The following ADAMTSL1 variants were observed in gnomAD, a reference collection of about 807,000 sequenced individuals.
The protein encoded by ADAMTSL1 is ADAMTS like 1, also known as ADAMTS-like protein 1.
ADAMTSL1 carries 126 observed loss-of-function variants against 201.8 expected under a neutral mutation model. That is an observed-to-expected ratio of 0.62 (90% CI 0.54 to 0.72). The LOEUF (loss-of-function observed/expected upper bound fraction) is 0.72. ADAMTSL1 is among the 30% of genes least tolerant of loss of function. ADAMTSL1 has a pLI of 0.00. For missense variants in ADAMTSL1, 2,679 were observed against 2,277.8 expected (o/e 1.18, Z -3.59); for synonymous variants, 1,121 against 903.4 (o/e 1.24, Z -4.32).
At chr9:18,476,587 T>C (rs902563071) in intron 1 of ADAMTSL1, among the ~76,000 whole-genome samples, 3 of 152,220 alleles carry the variant, frequency 2.0e-5, no homozygotes, top group Admixed American at 1.3e-4. Flanking sequence ...GTGTACTTGA[T>C]TTAGAACTAG....
intron 1 of ADAMTSL1, among the ~76,000 whole-genome samples, chr9:17,999,343 G>C (rs1322041091): frequency 6.6e-6 from 1 of 151,978 alleles, no homozygotes; most frequent in Admixed American, 6.6e-5. Flanking sequence ...GCTGATCTCT[G>C]TAGGATCTAG....
rs1830468730 is a variant in ADAMTSL1 at position 18,909,029 on chromosome 9, C to CAGTT, written c.*484_*487dup. ...TTCCCCATCTATGTCCCTTTAGTCA[C>CAGTT]AGTTAGGACAAATGGGGAGGGGACA... On this transcript the variant is annotated 3_prime_UTR_variant, in exon 29 of 29. Transcript: ENST00000380548. The CAGTT allele has an allele frequency of 6.3e-6, 1 of 158,740 alleles. No individual in the cohort carries two copies. Among genetic ancestry groups the CAGTT allele is most frequent in the South Asian group, 1.8e-4 (1 of 5,492 alleles). 9.8% of individuals were successfully genotyped at this position (158,740 alleles called of 1,614,324 possible).
intron 7 of ADAMTSL1, among the ~76,000 whole-genome samples, chr9:18,645,915 A>G (rs910980311): frequency 1.1e-4 from 16 of 147,502 alleles, no homozygotes; most frequent in Non-Finnish European, 1.6e-4. Flanking sequence ...GTTTTTTCCA[A>G]TTCTGTGAAG....
chr9:18,167,043 G>C (rs1327923231), intron 2 of ADAMTSL1, among the ~76,000 whole-genome samples: 1 of 151,958 alleles, frequency 6.6e-6, no homozygotes, highest in Non-Finnish European at 1.5e-5. Context: ...AGAAGCCACA[G>C]CAGTCAACTA....
intron 25 of ADAMTSL1, chr9:18,890,439 C>T (rs1829173122): frequency 4.4e-6 from 2 of 450,226 alleles, no homozygotes; most frequent in African/African-American, 2.0e-5. Flanking sequence ...TTGGAGTTGG[C>T]ACTGGTGCAG....
At chr9:18,886,162 A>G (rs999953740) in intron 23 of ADAMTSL1, among the ~76,000 whole-genome samples, 10 of 58,752 alleles carry the variant, frequency 1.7e-4, no homozygotes, top group South Asian at 1.3e-3. Flanking sequence ...GTGAGTGTGT[A>G]TGTGTATATA....
intron 1 of ADAMTSL1, among the ~76,000 whole-genome samples, chr9:18,120,071 G>A (rs1304255704): frequency 6.6e-6 from 1 of 152,138 alleles, no homozygotes. Flanking sequence ...CACGGAACTG[G>A]GAGCAGCTTA....
At chr9:17,995,273 T>C (rs1386966832) in intron 1 of ADAMTSL1, among the ~76,000 whole-genome samples, 1 of 152,134 alleles carries the variant, frequency 6.6e-6, no homozygotes, top group African/African-American at 2.4e-5. Context: ...CACTGTTCCC[T>C]GTTAGGTCCA....
chr9:18,878,332 T>C (rs1828304529), intron 23 of ADAMTSL1, among the ~76,000 whole-genome samples: 2 of 152,222 alleles, frequency 1.3e-5, no homozygotes, highest in Admixed American at 6.5e-5. Flanking sequence ...CCAGTCAAAA[T>C]TGTTACAAAG....
chr9:18,553,796 C>G (rs1261226881), intron 3 of ADAMTSL1, among the ~76,000 whole-genome samples: 2 of 151,788 alleles, frequency 1.3e-5, no homozygotes, highest in Non-Finnish European at 2.9e-5. Flanking sequence ...AGCTGTCATT[C>G]TAATTTGTTT....
Position 18,314,209 on chromosome 9 carries a change from G to A in ADAMTSL1, c.207+150228G>A, listed in dbSNP as rs547355789. On this transcript the variant is annotated intron_variant, in intron 2 of 29. Transcript: ENST00000680146. The stretch of plus-strand genomic sequence containing the variant: ...CATGTTGGTGAGGATATGGGGAAAA[G>A]AGAACCCTGGTTTGTACACTGCTGA... Among the ~76,000 whole-genome samples, 7 of 152,292 alleles carry A rather than the reference G, an allele frequency of 4.6e-5. No individual in the cohort carries two copies. In the South Asian group the frequency reaches 1.5e-3, roughly 32 times the overall value.
At chr9:18,829,366 T>A (rs1216740141) in intron 22 of ADAMTSL1, among the ~76,000 whole-genome samples, 1 of 152,178 alleles carries the variant, frequency 6.6e-6, no homozygotes, top group Non-Finnish European at 1.5e-5. Flanking sequence ...AAAAGGGTCC[T>A]TTTAAATAAG....
rs1223159138 is a variant in ADAMTSL1, at chr9:18,910,760, G to T, written c.*2212G>T. ...GTCTCAGTGAGCTGGCAGAACCTAG[G>T]TTTGGGTGGGAAGCAGAATGCTCGT... is the stretch of plus-strand genomic sequence containing the variant. On this transcript the variant is annotated 3_prime_UTR_variant, in exon 29 of 29. Transcript: ENST00000380548. The T allele has an allele frequency of 6.6e-6, 1 of 152,246 alleles. No individual in the cohort carries two copies. Among genetic ancestry groups the T allele is most frequent in the South Asian group, 2.1e-4 (1 of 4,828 alleles). 9.4% of individuals were successfully genotyped at this position (152,246 alleles called of 1,614,324 possible). A position where few individuals can be genotyped will look rare whatever the true frequency, so the allele number is the denominator to read the frequency against.
At chr9:17,926,397 C>T (rs757455007) in intron 1 of ADAMTSL1, among the ~76,000 whole-genome samples, 1 of 152,136 alleles carries the variant, frequency 6.6e-6, no homozygotes, top group Non-Finnish European at 1.5e-5. Context: ...TTTCACCACT[C>T]GGCCACATCA....
At chr9:18,890,569 C>T in intron 25 of ADAMTSL1, 2 of 455,984 alleles carry the variant, frequency 4.4e-6, no homozygotes, top group Non-Finnish European at 8.8e-6. Flanking sequence ...TCATAAGGAG[C>T]AGCTGAAACC....
chr9:18,155,133 A>G (rs564678348), intron 1 of ADAMTSL1, among the ~76,000 whole-genome samples: 10 of 152,062 alleles, frequency 6.6e-5, no homozygotes, highest in African/African-American at 1.9e-4. Context: ...ATTTTCTTCT[A>G]TTTTGTTTCC....
intron 2 of ADAMTSL1, among the ~76,000 whole-genome samples, chr9:18,236,182 T>C (rs1454893431): frequency 2.0e-5 from 3 of 152,114 alleles, no homozygotes; most frequent in Non-Finnish European, 4.4e-5. Context: ...GCAATTCTGC[T>C]CCCTCAGCCT....
At chr9:18,345,660 T>C (rs1260193686) in intron 2 of ADAMTSL1, among the ~76,000 whole-genome samples, 1 of 152,136 alleles carries the variant, frequency 6.6e-6, no homozygotes, top group Non-Finnish European at 1.5e-5. Context: ...GTGGCAAAGT[T>C]ATCTTAGGGT....
intron 2 of ADAMTSL1, chr9:18,362,202 A>G (rs1836555772): frequency 6.6e-6 from 1 of 152,214 alleles, no homozygotes; most frequent in African/African-American, 2.4e-5. Context: ...GATCCATACA[A>G]TTTTGTTCTC....
Sources: allele counts gnomAD v4.1 joint callset (sites outside exome capture counted in the v4.1 genomes callset), GRCh38; gene constraint gnomAD v4.1.1; transcripts MANE v1.5; gene names NCBI Gene and HGNC (gene_info 2026-07-23, HGNC 2026-07-21).